SHISA9: variants seen among roughly 807,000 people sequenced by gnomAD.
SHISA9 encodes protein shisa-9.
SHISA9 carries 13 observed loss-of-function variants against 38.0 expected under a neutral mutation model. The observed-to-expected ratio is 0.34, with a 90% CI of 0.22 to 0.54. SHISA9 has a LOEUF of 0.54. SHISA9 is among the 20% of genes least tolerant of loss of function. The pLI, the probability that SHISA9 is intolerant of heterozygous loss-of-function variation, is 0.91. For missense variants in SHISA9, 538 were observed against 575.8 expected (o/e 0.93, Z 0.67); for synonymous variants, 275 against 242.0 (o/e 1.14, Z -1.27).
chr16:13,039,128 C>T (rs151190070), intron 2 of SHISA9, among the ~76,000 whole-genome samples: 1 of 152,118 alleles, frequency 6.6e-6, no homozygotes, highest in Non-Finnish European at 1.5e-5. Flanking sequence ...AGGCTGGTCT[C>T]GAACTCCTGA....
chr16:13,310,203 A>G, the SHISA9 span, among the ~76,000 whole-genome samples: 1 of 152,182 alleles, frequency 6.6e-6, no homozygotes, highest in African/African-American at 2.4e-5. Context: ...TGTATTTTAA[A>G]TGCCAAATCA....
At chr16:13,226,634 G>T (rs2051282288) in intron 4 of SHISA9, among the ~76,000 whole-genome samples, 1 of 152,218 alleles carries the variant, frequency 6.6e-6, no homozygotes, top group African/African-American at 2.4e-5. Context: ...CATTTATCGA[G>T]ATCATGATTC....
chr16:13,066,842 C>A (rs2073440554), intron 2 of SHISA9, among the ~76,000 whole-genome samples: 1 of 152,184 alleles, frequency 6.6e-6, no homozygotes, highest in African/African-American at 2.4e-5. Flanking sequence ...TGTCAAAGGT[C>A]CCTTAGCAAA....
At chr16:13,243,197 G>A (rs1269397640), downstream of SHISA9, among the ~76,000 whole-genome samples, 4 of 151,428 alleles carry the variant, frequency 2.6e-5, no homozygotes, top group Non-Finnish European at 5.9e-5. Context: ...CCGAGATCGC[G>A]CCACTGCACT....
chr16:12,910,859 C>T (rs1038478866), intron 1 of SHISA9: 17 of 467,740 alleles, frequency 3.6e-5, no homozygotes, highest in Non-Finnish European at 4.8e-5. Flanking sequence ...GGAGAATTCT[C>T]TCTTTTTGGG....
At chr16:13,290,988 C>T in the SHISA9 span, among the ~76,000 whole-genome samples, 1 of 152,112 alleles carries the variant, frequency 6.6e-6, no homozygotes, top group Non-Finnish European at 1.5e-5. Flanking sequence ...TCTTCTTTTG[C>T]GGAAGAGAGT....
At chr16:13,155,800 C>T (rs2050539845) in intron 2 of SHISA9, among the ~76,000 whole-genome samples, 2 of 152,076 alleles carry the variant, frequency 1.3e-5, no homozygotes, top group Admixed American at 6.5e-5. Flanking sequence ...CCCACTTCCC[C>T]CTCTCCCCCT....
the SHISA9 span, among the ~76,000 whole-genome samples, chr16:13,300,290 G>A: frequency 2.1e-3 from 323 of 152,224 alleles, no homozygotes; most frequent in Non-Finnish European, 3.5e-3. Flanking sequence ...GATGTAACAA[G>A]CTGCAAAGGG....
chr16:13,293,409 A>T, the SHISA9 span, among the ~76,000 whole-genome samples: 2 of 152,204 alleles, frequency 1.3e-5, no homozygotes, highest in African/African-American at 4.8e-5. Context: ...GCAGTGGCAG[A>T]ATCGTGCAGT....
At chr16:13,276,737 A>G in the SHISA9 span, among the ~76,000 whole-genome samples, 12 of 151,940 alleles carry the variant, frequency 7.9e-5, no homozygotes, top group Non-Finnish European at 1.8e-4. Context: ...GTCTATTCAT[A>G]TCCTTAGACC....
At chr16:12,974,080 G>T (rs1408826860) in intron 2 of SHISA9, among the ~76,000 whole-genome samples, 2 of 152,154 alleles carry the variant, frequency 1.3e-5, no homozygotes, top group Admixed American at 1.3e-4. Context: ...GTAAGCCAAA[G>T]AGACCAATTA....
At chr16:13,278,004 G>A in the SHISA9 span, among the ~76,000 whole-genome samples, 1 of 151,994 alleles carries the variant, frequency 6.6e-6, no homozygotes, top group South Asian at 2.1e-4. Context: ...CATTCTCAGA[G>A]GGAATGCTTT....
At chr16:13,231,315 T>C (rs1447838528) in intron 4 of SHISA9, among the ~76,000 whole-genome samples, 1 of 152,210 alleles carries the variant, frequency 6.6e-6, no homozygotes, top group East Asian at 1.9e-4. Flanking sequence ...CCAGAGATGC[T>C]GTTGAATCCA....
intron 2 of SHISA9, among the ~76,000 whole-genome samples, chr16:13,115,038 CTCTT>C (rs1212866817): frequency 2.0e-5 from 3 of 152,088 alleles, no homozygotes; most frequent in Non-Finnish European, 4.4e-5. Flanking sequence ...ATCTATCTAT[CTCTT>C]CATCACCATT....
intron 2 of SHISA9, among the ~76,000 whole-genome samples, chr16:12,940,636 A>T (rs1217790125): frequency 6.6e-6 from 1 of 152,230 alleles, no homozygotes; most frequent in Non-Finnish European, 1.5e-5. Context: ...CATATGCAAG[A>T]TGCACCCTTC....
chr16:13,078,255 A>G (rs1039501689), intron 2 of SHISA9, among the ~76,000 whole-genome samples: 7 of 152,212 alleles, frequency 4.6e-5, no homozygotes, highest in Non-Finnish European at 8.8e-5. Context: ...ATGGCATACT[A>G]TTTGCATATA....
chr16:13,069,434 GTA>G (rs1038493901), intron 2 of SHISA9, among the ~76,000 whole-genome samples: 17 of 151,884 alleles, frequency 1.1e-4, no homozygotes, highest in African/African-American at 3.4e-4. Flanking sequence ...ATGTGTATGT[GTA>G]TATGTGTGTG....
At chr16:13,412,450 G>C in the SHISA9 span, among the ~76,000 whole-genome samples, 23 of 151,660 alleles carry the variant, frequency 1.5e-4, no homozygotes, top group Admixed American at 1.5e-3. Context: ...CCTTTCCTAC[G>C]TTCTTTCTCC....
the SHISA9 span, among the ~76,000 whole-genome samples, chr16:13,345,979 A>C: frequency 6.6e-6 from 1 of 152,138 alleles, no homozygotes; most frequent in South Asian, 2.1e-4. Context: ...TTTTTTAAAA[A>C]TTTCTGTAAG....
Sources: gnomAD v4.1 joint callset for allele counts (sites outside exome capture counted in the v4.1 genomes callset) on GRCh38, gnomAD v4.1.1 for gene constraint, MANE v1.5 for transcripts, NCBI Gene and HGNC (gene_info 2026-07-23, HGNC 2026-07-21) for gene names.